Variants in PCBP3 observed in about 807,000 individuals in gnomAD.
The protein encoded by PCBP3 is poly(rC) binding protein 3.
Under a neutral mutation model 52.7 loss-of-function variants are expected in PCBP3, and 25 were observed. That is an observed-to-expected ratio of 0.47 (90% CI 0.35 to 0.66). The LOEUF (loss-of-function observed/expected upper bound fraction) is 0.66. Ranked by LOEUF, PCBP3 falls within the 30% of genes least tolerant of loss-of-function variation. The pLI, the probability that PCBP3 is intolerant of heterozygous loss-of-function variation, is 0.01. For missense variants in PCBP3, 391 were observed against 490.3 expected, an observed-to-expected ratio of 0.80 and a Z score of 1.91; for synonymous variants, 162 against 183.0, an observed-to-expected ratio of 0.89 and a Z score of 0.93.
chr21:45,768,065 C>T (rs1354498394), intron 4 of PCBP3, among the ~76,000 whole-genome samples: 2 of 152,268 alleles, frequency 1.3e-5, no homozygotes, highest in African/African-American at 2.4e-5. Context: ...CCACGATGCA[C>T]CAGCTTCTGT....
chr21:45,844,778 TAAG>T (rs551702473), intron 4 of PCBP3, among the ~76,000 whole-genome samples: 71 of 151,840 alleles, frequency 4.7e-4, no homozygotes, highest in African/African-American at 1.6e-3. Context: ...GGCAGATTCA[TAAG>T]AAGAAGACTG....
At chr21:45,797,163 C>A (rs572169678) in intron 4 of PCBP3, among the ~76,000 whole-genome samples, 24 of 152,110 alleles carry the variant, frequency 1.6e-4, no homozygotes, top group Admixed American at 2.6e-4. Context: ...TGTGGATGGA[C>A]AGATGTATGG....
At chr21:45,884,703 G>A (rs1381649775) in intron 5 of PCBP3, among the ~76,000 whole-genome samples, 3 of 152,210 alleles carry the variant, frequency 2.0e-5, no homozygotes, top group East Asian at 3.9e-4. Flanking sequence ...TGGGACCACA[G>A]ACAGGCACCA....
At chr21:45,764,750 C>A (rs537012610) in intron 4 of PCBP3, among the ~76,000 whole-genome samples, 1 of 152,318 alleles carries the variant, frequency 6.6e-6, no homozygotes, top group South Asian at 2.1e-4. Context: ...TAAAAAATAG[C>A]TTTATAATGT....
intron 2 of PCBP3, among the ~76,000 whole-genome samples, chr21:45,729,475 G>C (rs1289173863): frequency 6.6e-6 from 1 of 152,178 alleles, no homozygotes; most frequent in Non-Finnish European, 1.5e-5. Context: ...CTGCCAGACT[G>C]TTTTCCACCC....
In PCBP3 at chr21:45,917,584, C is replaced by T. The variant is rs1400423476; in HGVS notation, c.676-4C>T. The T allele has an allele frequency of 6.2e-7, 1 of 1,612,228 alleles. No individual in the cohort carries two copies. Among genetic ancestry groups the T allele is most frequent in the Non-Finnish European group, 8.5e-7 (1 of 1,178,676 alleles). ...AGTCTGACGGGGTCTCTCTCTCTCTCTAGGCCTACACAATCCAGGGACAGT... is the reference window on the plus strand; with the variant it reads ...AGTCTGACGGGGTCTCTCTCTCTCTTTAGGCCTACACAATCCAGGGACAGT... On this transcript the variant is annotated splice_region_variant and splice_polypyrimidine_tract_variant and intron_variant, in intron 12 of 17. Coordinates refer to ENST00000681687, the MANE Select transcript of PCBP3 (RefSeq NM_001384156.1). The surrounding 1 kb of genome is among the most constrained non-coding windows in gnomAD (Gnocchi z 5.3).
rs1385991140 is a variant in PCBP3 at position 45,829,844 on chromosome 21, G to A, written c.-125-20117G>A. The A allele has an allele frequency of 6.6e-6, 1 of 152,616 alleles. No homozygotes were observed. Among genetic ancestry groups the A allele is most frequent in the Non-Finnish European group, 1.5e-5 (1 of 68,120 alleles). 9.5% of individuals were successfully genotyped at this position (152,616 alleles called of 1,614,324 possible). On this transcript the variant is annotated intron_variant, in intron 4 of 17. Coordinates refer to ENST00000681687, the MANE Select transcript of PCBP3 (RefSeq NM_001384156.1). This position sits in a 1 kb window ranked among gnomAD's most constrained non-coding sequence, Gnocchi z 5.2. Reference sequence around the variant, plus strand: ...GGTTCCCCTGACATTCTGCTGCCAGGAAGATGCAGCTCTAGGGCAGTGCAG... The same window carrying A: ...GGTTCCCCTGACATTCTGCTGCCAGAAAGATGCAGCTCTAGGGCAGTGCAG...
Position 45,880,822 on chromosome 21 carries a change from G to A in PCBP3, c.11-15386G>A, listed in dbSNP as rs909979101. Among the ~76,000 whole-genome samples, 4 of 152,192 alleles carry A rather than the reference G, an allele frequency of 2.6e-5. No homozygotes were observed. Among genetic ancestry groups the A allele is most frequent in the Non-Finnish European group, 5.9e-5 (4 of 68,032 alleles). On this transcript the variant is annotated intron_variant, in intron 5 of 17. Transcript: ENST00000681687. The surrounding 1 kb of genome is among the most constrained non-coding windows in gnomAD (Gnocchi z 5.4). Reference sequence around the variant, plus strand: ...CTGCCACGGAAGCCAGGGAGCCAGCGGGAGGGCAGGGAGCAGTGACAAACA... The same window carrying A: ...CTGCCACGGAAGCCAGGGAGCCAGCAGGAGGGCAGGGAGCAGTGACAAACA...
At chr21:45,655,477 T>C (rs980455190) in intron 1 of PCBP3, among the ~76,000 whole-genome samples, 4 of 152,108 alleles carry the variant, frequency 2.6e-5, no homozygotes, top group Admixed American at 1.3e-4. Flanking sequence ...GGGTGGGAAG[T>C]AGTAGATATT....
intron 2 of PCBP3, among the ~76,000 whole-genome samples, chr21:45,722,204 G>GA (rs1415986996): frequency 1.3e-5 from 2 of 152,192 alleles, no homozygotes; most frequent in South Asian, 4.1e-4. Flanking sequence ...TCCATGACAT[G>GA]AAAAAAATGT....
At chr21:45,684,238 C>T (rs952430281) in intron 2 of PCBP3, among the ~76,000 whole-genome samples, 2 of 151,728 alleles carry the variant, frequency 1.3e-5, no homozygotes, top group African/African-American at 4.8e-5. Flanking sequence ...AAAACAAAAG[C>T]AAACAAACAA....
chr21:45,913,921 T>C (rs1321547871), intron 11 of PCBP3, 30 bp from the exon 12 acceptor site: 1 of 1,587,980 alleles, frequency 6.3e-7, no homozygotes, highest in Non-Finnish European at 8.6e-7. Context: ...GCTCTAACGC[T>C]CTCTCTCCCT....
intron 4 of PCBP3, among the ~76,000 whole-genome samples, chr21:45,833,486 C>T (rs1020795302): frequency 2.0e-5 from 3 of 152,256 alleles, no homozygotes; most frequent in Non-Finnish European, 4.4e-5. Flanking sequence ...ACGTTGGCCC[C>T]TGGCAGCTTA....
At chr21:45,796,005 A>C (rs1168153710) in intron 4 of PCBP3, among the ~76,000 whole-genome samples, 1 of 152,210 alleles carries the variant, frequency 6.6e-6, no homozygotes, top group African/African-American at 2.4e-5. Flanking sequence ...AAACTGCCTC[A>C]ATGTATGTAA....
chr21:45,758,286 TA>T (rs2088272240), intron 4 of PCBP3, among the ~76,000 whole-genome samples: 1 of 152,240 alleles, frequency 6.6e-6, no homozygotes, highest in Non-Finnish European at 1.5e-5. Context: ...AAATTTTGAC[TA>T]TTTTTTTTTG....
intron 1 of PCBP3, among the ~76,000 whole-genome samples, chr21:45,659,712 T>A (rs962208672): frequency 1.3e-5 from 2 of 152,174 alleles, no homozygotes; most frequent in African/African-American, 4.8e-5. Flanking sequence ...TTGACTCTGG[T>A]TATTTAGCAG....
chr21:45,647,744 G>T (rs1029420124), intron 1 of PCBP3, among the ~76,000 whole-genome samples: 79 of 152,264 alleles, frequency 5.2e-4, no homozygotes, highest in African/African-American at 1.7e-3. Context: ...ATGGAGGGGG[G>T]TGAAAGTGGA....
At chr21:45,769,365 A>G (rs2089656366) in intron 4 of PCBP3, among the ~76,000 whole-genome samples, 1 of 152,218 alleles carries the variant, frequency 6.6e-6, no homozygotes, top group African/African-American at 2.4e-5. Flanking sequence ...AGTGCAGGTG[A>G]CAGTGCGTGC....
At chr21:45,719,165 C>T (rs1286238477) in intron 2 of PCBP3, among the ~76,000 whole-genome samples, 2 of 152,026 alleles carry the variant, frequency 1.3e-5, no homozygotes, top group South Asian at 4.1e-4. Flanking sequence ...TCTGGCTGAC[C>T]GTTCGTAATC....
Sources: allele counts gnomAD v4.1 joint callset (sites outside exome capture counted in the v4.1 genomes callset), GRCh38; gene constraint gnomAD v4.1.1; non-coding constraint Gnocchi (gnomAD v3.1); transcripts MANE v1.5; gene names NCBI Gene and HGNC (gene_info 2026-07-23, HGNC 2026-07-21).